Variants in MYO7B observed in about 807,000 individuals in gnomAD.
MYO7B encodes the protein unconventional myosin-VIIb.
In MYO7B, 212 loss-of-function variants were observed where a neutral mutation model predicts 259.7. The observed-to-expected ratio is 0.82, with a 90% CI of 0.73 to 0.91. MYO7B has a LOEUF of 0.91. Ranked by LOEUF, MYO7B falls within the 40% of genes least tolerant of loss-of-function variation. The probability of loss-of-function intolerance (pLI) is 0.00; values close to 1 mark genes in which losing one functional copy is unlikely to be tolerated. For missense variants in MYO7B, 2,732 were observed against 2,813.5 expected (o/e 0.97, Z 0.66); for synonymous variants, 1,197 against 1,166.4 (o/e 1.03, Z -0.54).
intron 1 of MYO7B, among the ~76,000 whole-genome samples, chr2:127,537,744 G>A (rs993141085): frequency 7.2e-5 from 11 of 152,020 alleles, no homozygotes; most frequent in Non-Finnish European, 1.5e-4. Context: ...GGAGAAGGAA[G>A]GATTTGACCA....
intron 15 of MYO7B, among the ~76,000 whole-genome samples, chr2:127,588,870 T>A (rs947083839): frequency 1.5e-5 from 2 of 135,936 alleles, no homozygotes; most frequent in Admixed American, 1.5e-4. Context: ...GGTAAATGGA[T>A]GTGTGGTTGG....
At chr2:127,561,977 T>A (rs1407542583) in intron 2 of MYO7B, among the ~76,000 whole-genome samples, 4 of 151,704 alleles carry the variant, frequency 2.6e-5, no homozygotes, top group Non-Finnish European at 5.9e-5. Flanking sequence ...CTTTCTTCTG[T>A]GCTTGGGGGT....
At chr2:127,610,213 C>T (rs1355442520) in intron 24 of MYO7B, among the ~76,000 whole-genome samples, 197 bp downstream of exon 24, 1 of 152,134 alleles carries the variant, frequency 6.6e-6, no homozygotes, top group Admixed American at 6.5e-5. Context: ...TCATGAATCC[C>T]CATCCCGGGC....
chr2:127,566,162 CT>C (rs1351229404), intron 4 of MYO7B, among the ~76,000 whole-genome samples: 2 of 152,252 alleles, frequency 1.3e-5, no homozygotes, highest in Non-Finnish European at 2.9e-5. Context: ...TGTGCAGGCT[CT>C]GCCTGCCGCA....
In MYO7B at chr2:127,625,511, C is replaced by G. The variant is rs2105096927; in HGVS notation, c.4191C>G (p.Ser1397Arg). Reference sequence around the variant, plus strand: ...CCAAGCCCCCAGACAGGTGGGCGAGCCTCGTCACTGCCGCCTGCGCCAAGG... The same window carrying G: ...CCAAGCCCCCAGACAGGTGGGCGAGGCTCGTCACTGCCGCCTGCGCCAAGG... Reference protein sequence around the residue: ...YRTKPPDRWASLVTAACAKAP... With the variant: ...YRTKPPDRWARLVTAACAKAP... Residue 1397 changes from serine (S) to arginine (R), a missense_variant, in exon 31 of 48, where the codon AGC (serine) becomes AGG (arginine). Transcript: ENST00000409816. The G allele has an allele frequency of 6.2e-7, 1 of 1,605,806 alleles. No homozygotes were observed.
At chr2:127,579,504 AGC>A (rs1189322169) in intron 9 of MYO7B, among the ~76,000 whole-genome samples, 11 of 152,224 alleles carry the variant, frequency 7.2e-5, no homozygotes, top group Non-Finnish European at 1.5e-4. Context: ...GGCCTGGGAC[AGC>A]ATCAGAAACA....
chr2:127,602,172 C>T (rs1314059470), intron 19 of MYO7B, among the ~76,000 whole-genome samples: 1 of 152,026 alleles, frequency 6.6e-6, no homozygotes, highest in Non-Finnish European at 1.5e-5. Context: ...TTTTATAGCT[C>T]TCTAAAGTGG....
At chr2:127,621,552 T>C (rs1414583840) in intron 27 of MYO7B, among the ~76,000 whole-genome samples, 2 of 152,214 alleles carry the variant, frequency 1.3e-5, no homozygotes, top group Admixed American at 6.5e-5. Flanking sequence ...TGAGCCACCA[T>C]GCCTGGCCCT....
chr2:127,610,028 G>C lies in MYO7B; in HGVS notation c.3192+12G>C. The stretch of plus-strand genomic sequence containing the variant: ...GTAGATCTGCACAGGCAAGTGGGGG[G>C]CAGCAGCGGGCAGAGGAGGGCGACA... On this transcript the variant is annotated intron_variant, in intron 24 of 47. Coordinates refer to ENST00000409816, the MANE Select transcript of MYO7B (RefSeq NM_001393586.1). 1 of 1,606,864 alleles carries C rather than the reference G, an allele frequency of 6.2e-7. No individual in the cohort carries two copies. The highest frequency in any genetic ancestry group is 8.5e-7 in the Non-Finnish European group (1 of 1,177,746).
rs1294973299 is a variant in MYO7B, at chr2:127,632,351, G to A, written c.5355G>A (p.Arg1785=). ...CCCAGAAGTTTATAGACACTCGGAG[G>A]GGGAAGCTGCTGGCCCCCGACTGCA... is the stretch of plus-strand genomic sequence containing the variant. ...PHAQKFIDTR[R]GKLLAPDCSR... is the part of the protein sequence containing the mutation. The change falls in exon 39 of 48, where the codon AGG becomes AGA. Residue 1785 remains arginine, a synonymous_variant. Coordinates refer to ENST00000409816, the MANE Select transcript of MYO7B (RefSeq NM_001393586.1). 5 of 1,599,676 alleles carry A rather than the reference G, an allele frequency of 3.1e-6. No homozygotes were observed. In the South Asian group the frequency reaches 4.5e-5, roughly 14 times the overall value.
In MYO7B at chr2:127,634,579, A is replaced by ACCTTCC. The variant is rs1681696248; in HGVS notation, c.5626-8_5626-3dup. ...CCCGGAAGCCACCCAACTTCCCTGT[A>ACCTTCC]CCTTCCCCTTCCCCAGGTCATCAGC... On this transcript the variant is annotated splice_polypyrimidine_tract_variant and intron_variant, in intron 41 of 47. Coordinates refer to ENST00000409816, the MANE Select transcript of MYO7B (RefSeq NM_001393586.1). 3.1e-6 allele frequency: 5 copies of ACCTTCC among 1,604,504 alleles called. No individual in the cohort carries two copies. The highest frequency in any genetic ancestry group is 1.7e-5 in the Admixed American group (1 of 58,848).
In MYO7B at chr2:127,569,904, C is replaced by T; in HGVS notation, c.586C>T (p.Leu196=). The change falls in exon 6 of 48, where the codon CTG becomes TTG. Residue 196 remains leucine (L), a synonymous_variant. Transcript: ENST00000409816. ...GCAGGTCCTGGAAGCCAACCCCATC[C>T]TGGAGGGTAAGCATCACTCTGGGAC... The part of the protein sequence containing the change: ...EQQVLEANPI[L]EAFGNAKTIR... 6.2e-7 allele frequency: 1 copy of T among 1,612,182 alleles called. No homozygotes were observed. The highest frequency in any genetic ancestry group is 1.7e-4 in the Middle Eastern group (1 of 6,020).
chr2:127,536,011 C>T (rs1459391368), intron 1 of MYO7B, among the ~76,000 whole-genome samples, 180 bp downstream of exon 1: 3 of 152,066 alleles, frequency 2.0e-5, no homozygotes, highest in Non-Finnish European at 4.4e-5. Flanking sequence ...CTCAGTCCAT[C>T]GGGCTGAAGG....
At position 127,605,940 on chromosome 2, in the gene MYO7B, C is replaced by T. The variant is rs776285174; in HGVS notation, c.2424+12C>T. The T allele has an allele frequency of 2.0e-6, 3 of 1,492,434 alleles. No homozygotes were observed. Among genetic ancestry groups the T allele is most frequent in the Non-Finnish European group, 2.7e-6 (3 of 1,129,534 alleles). 92.4% of individuals were successfully genotyped at this position (1,492,434 alleles called of 1,614,324 possible). ...GGAATTTCAAGCTGGTGAGAGAGCT[C>T]TCTGGGGCGGCTGGGCCGCGGGACC... is the stretch of plus-strand genomic sequence containing the variant. On this transcript the variant is annotated intron_variant, in intron 20 of 47. Transcript: ENST00000409816.
At chr2:127,593,799 GAT>G (rs1558823051) in intron 18 of MYO7B, among the ~76,000 whole-genome samples, 155 bp downstream of exon 18, 3 of 152,238 alleles carry the variant, frequency 2.0e-5, no homozygotes, top group Non-Finnish European at 4.4e-5. Flanking sequence ...GGCACCCCTG[GAT>G]GTAGAACATC....
intron 35 of MYO7B, 67 bp downstream of exon 35, chr2:127,629,893 C>T: frequency 7.0e-7 from 1 of 1,433,202 alleles, no homozygotes; most frequent in Admixed American, 2.7e-5. Flanking sequence ...TCCTGGGATG[C>T]CTAGTTGGGA....
chr2:127,566,968 T>G, intron 5 of MYO7B, 141 bp downstream of exon 5: 1 of 867,134 alleles, frequency 1.2e-6, no homozygotes, highest in East Asian at 2.8e-5. Flanking sequence ...CGGCCCCAGT[T>G]ACCCTGCACC....
chr2:127,635,671 C>G (rs1376528999), intron 43 of MYO7B, 51 bp from the exon 44 acceptor site: 2 of 1,530,038 alleles, frequency 1.3e-6, no homozygotes, highest in Non-Finnish European at 8.8e-7. Context: ...AGGTTGGGGG[C>G]GGGTGGGCCG....
At position 127,636,465 on chromosome 2, in the gene MYO7B, C is replaced by T. The variant is rs544393679; in HGVS notation, c.6124-80C>T. The T allele has an allele frequency of 2.8e-5, 41 of 1,455,478 alleles. No individual in the cohort carries two copies. Among genetic ancestry groups the T allele is most frequent in the Middle Eastern group, 1.7e-4 (1 of 5,796 alleles). The allele number at this position is 1,455,478 out of a possible 1,614,324, so 90.2% of individuals were successfully genotyped here. ...GGGCGTGGGTGTATGTGTGTATGTG[C>T]GTGTGGCCTAGATGAGCTCCTGGGA... On this transcript the variant is annotated intron_variant, in intron 45 of 47. Coordinates refer to ENST00000409816, the MANE Select transcript of MYO7B (RefSeq NM_001393586.1). The surrounding 1 kb of genome is among the most constrained non-coding windows in gnomAD (Gnocchi z 4.5).
Sources: gnomAD v4.1 joint callset for allele counts (sites outside exome capture counted in the v4.1 genomes callset) on GRCh38, gnomAD v4.1.1 for gene constraint, Gnocchi (gnomAD v3.1) non-coding constraint, MANE v1.5 for transcripts, NCBI Gene and HGNC (gene_info 2026-07-23, HGNC 2026-07-21) for gene names.